COMMD1: variants seen among roughly 807,000 people sequenced by gnomAD.
COMMD1 encodes copper metabolism domain containing 1.
COMMD1 carries 10 observed loss-of-function variants against 17.2 expected under a neutral mutation model. That is an observed-to-expected ratio of 0.58 (90% CI 0.36 to 0.99). COMMD1 has a LOEUF of 0.99. COMMD1 is among the 50% of genes least tolerant of loss of function. The pLI, the probability that COMMD1 is intolerant of heterozygous loss-of-function variation, is 0.01. For missense variants in COMMD1, 270 were observed against 231.8 expected, an observed-to-expected ratio of 1.17 and a Z score of -1.07; for synonymous variants, 97 against 91.6, an observed-to-expected ratio of 1.06 and a Z score of -0.34.
intron 2 of COMMD1, among the ~76,000 whole-genome samples, chr2:62,052,073 A>G (rs13388396): frequency 6.6e-6 from 1 of 152,196 alleles, no homozygotes; most frequent in Non-Finnish European, 1.5e-5. Flanking sequence ...TCTCTTAACC[A>G]TCCTGTTGCT....
chr2:62,047,664 A>G (rs950012708), intron 2 of COMMD1, among the ~76,000 whole-genome samples: 1 of 152,108 alleles, frequency 6.6e-6, no homozygotes, highest in Admixed American at 6.6e-5. Flanking sequence ...TGTGTTGGCC[A>G]GGCTGGTCTC....
intron 1 of COMMD1, among the ~76,000 whole-genome samples, chr2:61,995,112 A>G (rs1573045065): frequency 6.6e-6 from 1 of 151,116 alleles, no homozygotes; most frequent in East Asian, 1.9e-4. Flanking sequence ...TTTTTTCATT[A>G]AAAACATTTT....
intron 2 of COMMD1, among the ~76,000 whole-genome samples, chr2:62,023,716 C>T (rs1381698167): frequency 6.6e-6 from 1 of 152,122 alleles, no homozygotes. Flanking sequence ...AACTCTTGAC[C>T]TTGGGTGTTC....
chr2:61,944,903 A>G (rs1670867220), intron 1 of COMMD1, among the ~76,000 whole-genome samples: 1 of 152,156 alleles, frequency 6.6e-6, no homozygotes, highest in African/African-American at 2.4e-5. Context: ...AGAAAAGACA[A>G]GGAAGCAAAG....
intron 1 of COMMD1, among the ~76,000 whole-genome samples, chr2:61,890,432 T>A (rs932698116): frequency 1.3e-5 from 2 of 152,034 alleles, no homozygotes; most frequent in African/African-American, 4.8e-5. Context: ...TTGGACAGGG[T>A]GGTTTCGAAC....
In COMMD1 at chr2:61,905,691, G is replaced by C; in HGVS notation, c.13G>C (p.Glu5Gln). The C allele has an allele frequency of 1.3e-6, 2 of 1,568,222 alleles. No individual in the cohort carries two copies. The highest frequency in any genetic ancestry group is 2.3e-5 in the South Asian group (2 of 87,002). ...GCCTTCGCAGAGCATGGCGGCGGGC[G>C]AGCTTGAGGGTGGCAAACCCCTGAG... MAAG[E>Q]LEGGKPLSGL... Residue 5 changes from glutamate (E) to glutamine (Q), a missense_variant, in exon 1 of 3, where the codon GAG (glutamate) becomes CAG (glutamine). Transcript: ENST00000311832.
At chr2:62,007,999 T>C (rs1409732263) in intron 2 of COMMD1, among the ~76,000 whole-genome samples, 6 of 152,078 alleles carry the variant, frequency 3.9e-5, no homozygotes, top group African/African-American at 7.2e-5. Context: ...TTGATCAACA[T>C]GGCGAGACCC....
chr2:62,003,393 T>C (rs1408760947), intron 2 of COMMD1, among the ~76,000 whole-genome samples: 1 of 151,004 alleles, frequency 6.6e-6, no homozygotes, highest in African/African-American at 2.4e-5. Flanking sequence ...ACAAAAAAAT[T>C]AGCCGGGCGT....
At chr2:62,039,667 A>C (rs947682806) in intron 2 of COMMD1, among the ~76,000 whole-genome samples, 8 of 152,234 alleles carry the variant, frequency 5.3e-5, no homozygotes, top group Admixed American at 3.3e-4. Flanking sequence ...TGACGAAGGA[A>C]CATATATATC....
intron 2 of COMMD1, among the ~76,000 whole-genome samples, chr2:62,113,902 T>C (rs2104052302): frequency 6.6e-6 from 1 of 152,354 alleles, no homozygotes; most frequent in Middle Eastern, 3.4e-3. Flanking sequence ...AAGAGAAATA[T>C]AAAGGCTTTG....
intron 1 of COMMD1, among the ~76,000 whole-genome samples, chr2:61,913,212 C>T (rs772888316): frequency 2.0e-5 from 3 of 151,568 alleles, no homozygotes; most frequent in Non-Finnish European, 4.4e-5. Flanking sequence ...ACTAAAAATA[C>T]AAAAATTAGC....
intron 2 of COMMD1, among the ~76,000 whole-genome samples, chr2:62,056,802 G>C (rs758687590): frequency 6.6e-6 from 1 of 152,186 alleles, no homozygotes; most frequent in Non-Finnish European, 1.5e-5. Context: ...CAGTGGAATC[G>C]ACTTTGTCCA....
At chr2:61,888,401 C>T, upstream of COMMD1, 4 of 1,613,224 alleles carry the variant, frequency 2.5e-6, no homozygotes, top group Non-Finnish European at 3.4e-6. Flanking sequence ...GGAAATGTTG[C>T]TGAAGCGGAT....
At chr2:62,115,191 C>T (rs533073938) in intron 2 of COMMD1, among the ~76,000 whole-genome samples, 1 of 152,316 alleles carries the variant, frequency 6.6e-6, no homozygotes, top group South Asian at 2.1e-4. Flanking sequence ...GCCAACCACA[C>T]AGCTAGAAGG....
Position 62,001,460 on chromosome 2 carries a change from A to G in COMMD1, c.462+478A>G, listed in dbSNP as rs149513424. Among the ~76,000 whole-genome samples, 760 of 152,322 alleles carry G rather than the reference A, an allele frequency of 5.0e-3. 9 individuals carry two copies. Among genetic ancestry groups the G allele is most frequent in the African/African-American group, 0.016 (680 of 41,566 alleles). ...ATGTGCTATCTCTGTCCTTGAGGTCACAAATAATTCTCAGTTTAATCTTAT... is the reference window on the plus strand; with the variant it reads ...ATGTGCTATCTCTGTCCTTGAGGTCGCAAATAATTCTCAGTTTAATCTTAT... On this transcript the variant is annotated intron_variant, in intron 2 of 2. Transcript: ENST00000311832.
chr2:62,070,421 G>A (rs1671167015), intron 2 of COMMD1: 1 of 151,952 alleles, frequency 6.6e-6, no homozygotes, highest in Non-Finnish European at 1.5e-5. Context: ...AGCCAGGCAT[G>A]GTGATGCTTT....
chr2:62,019,054 CT>C (rs1669534400), intron 2 of COMMD1, among the ~76,000 whole-genome samples: 2 of 136,750 alleles, frequency 1.5e-5, no homozygotes, highest in Admixed American at 7.2e-5. Context: ...TCCTTCCTTC[CT>C]TTCTTTCTCT....
At chr2:62,051,403 AGTT>A (rs1405760190) in intron 2 of COMMD1, among the ~76,000 whole-genome samples, 4 of 152,230 alleles carry the variant, frequency 2.6e-5, no homozygotes, top group African/African-American at 9.6e-5. Context: ...CATTTTATAA[AGTT>A]GTAAGAAATG....
chr2:62,135,857 T>G lies in COMMD1; in HGVS notation c.489T>G (p.Phe163Leu). Residue 163 changes from phenylalanine (F) to leucine (L), a missense_variant, in exon 3 of 3, where the codon TTT becomes TTG. Coordinates refer to ENST00000311832, the MANE Select transcript of COMMD1 (RefSeq NM_152516.4). Reference sequence around the variant, plus strand: ...AATCTGAATTTCTGTGTTTGGAATTTGATGAGGTCAAAGTCAACCAAATTC... The same window carrying G: ...AATCTGAATTTCTGTGTTTGGAATTGGATGAGGTCAAAGTCAACCAAATTC... ...GQESEFLCLE[F>L]DEVKVNQILK... 1 of 1,582,868 alleles carries G rather than the reference T, an allele frequency of 6.3e-7. No individual in the cohort carries two copies. Among genetic ancestry groups the G allele is most frequent in the Non-Finnish European group, 8.7e-7 (1 of 1,151,360 alleles).
Sources: allele counts gnomAD v4.1 joint callset (sites outside exome capture counted in the v4.1 genomes callset), GRCh38; gene constraint gnomAD v4.1.1; transcripts MANE v1.5; gene names NCBI Gene and HGNC (gene_info 2026-07-23, HGNC 2026-07-21).